The following SPAG16 variants were observed in gnomAD, a reference collection of about 807,000 sequenced individuals.
SPAG16 encodes the protein sperm-associated antigen 16 protein.
SPAG16 carries 86 observed loss-of-function variants against 80.4 expected under a neutral mutation model. The observed-to-expected ratio is 1.07, with a 90% CI of 0.90 to 1.28. SPAG16 has a LOEUF of 1.28. Ranked by LOEUF, SPAG16 falls within the 50% of genes most tolerant of loss-of-function variation. SPAG16 has a pLI of 0.00. For missense variants in SPAG16, 870 were observed against 765.3 expected, an observed-to-expected ratio of 1.14 and a Z score of -1.61; for synonymous variants, 294 against 265.9, an observed-to-expected ratio of 1.11 and a Z score of -1.03.
intron 15 of SPAG16, among the ~76,000 whole-genome samples, chr2:214,249,600 T>A (rs539457807): frequency 1.3e-5 from 2 of 152,138 alleles, no homozygotes; most frequent in Admixed American, 6.5e-5. Context: ...CGATTGACAA[T>A]AAGATGGAAA....
At chr2:214,406,705 A>G (rs1004172686) in intron 15 of SPAG16, among the ~76,000 whole-genome samples, 4 of 152,152 alleles carry the variant, frequency 2.6e-5, no homozygotes, top group Non-Finnish European at 5.9e-5. Context: ...TAGCAGAGCA[A>G]TACTTTGAGG....
At chr2:213,707,849 A>T (rs1347786669) in intron 10 of SPAG16, among the ~76,000 whole-genome samples, 2 of 152,122 alleles carry the variant, frequency 1.3e-5, no homozygotes, top group African/African-American at 2.4e-5. Flanking sequence ...TGATATACTG[A>T]TACTGGGGTT....
At chr2:213,696,022 G>A (rs1299502398) in intron 10 of SPAG16, among the ~76,000 whole-genome samples, 1 of 152,144 alleles carries the variant, frequency 6.6e-6, no homozygotes, top group Non-Finnish European at 1.5e-5. Context: ...GATAATGGTG[G>A]CTTGATTTTA....
At chr2:214,212,017 G>A (rs1291286201) in intron 15 of SPAG16, among the ~76,000 whole-genome samples, 1 of 152,082 alleles carries the variant, frequency 6.6e-6, no homozygotes, top group Non-Finnish European at 1.5e-5. Flanking sequence ...TCTTGCTAAA[G>A]CCGTTGTCCA....
intron 10 of SPAG16, among the ~76,000 whole-genome samples, chr2:213,770,013 G>A (rs115021060): frequency 7.0e-4 from 107 of 152,210 alleles, no homozygotes; most frequent in African/African-American, 2.4e-3. Context: ...GTACTGTTTT[G>A]TCCCTGGCTT....
intron 14 of SPAG16, among the ~76,000 whole-genome samples, chr2:214,127,833 CTT>C (rs2054571141): frequency 1.3e-5 from 2 of 151,878 alleles, no homozygotes; most frequent in Non-Finnish European, 2.9e-5. Flanking sequence ...TTTCAAAACT[CTT>C]TATAAAAGAA....
chr2:214,034,498 C>A (rs1392193058), intron 13 of SPAG16, among the ~76,000 whole-genome samples: 1 of 152,206 alleles, frequency 6.6e-6, no homozygotes, highest in Non-Finnish European at 1.5e-5. Flanking sequence ...TTAGCTCACA[C>A]CTCTGGCCTG....
At chr2:213,993,565 G>T (rs1026457231) in intron 12 of SPAG16, among the ~76,000 whole-genome samples, 1 of 152,082 alleles carries the variant, frequency 6.6e-6, no homozygotes, top group African/African-American at 2.4e-5. Flanking sequence ...AAAAACAAGG[G>T]ATATGCAACT....
chr2:214,005,101 A>C (rs900965102), intron 12 of SPAG16, among the ~76,000 whole-genome samples: 1 of 152,042 alleles, frequency 6.6e-6, no homozygotes, highest in Non-Finnish European at 1.5e-5. Flanking sequence ...TCAGGTTGCT[A>C]TTTTAATATT....
chr2:214,190,625 T>A (rs548684186), intron 15 of SPAG16, among the ~76,000 whole-genome samples: 5 of 152,126 alleles, frequency 3.3e-5, no homozygotes, highest in African/African-American at 7.2e-5. Flanking sequence ...TATGTTGATG[T>A]CCTACCCCCA....
At chr2:214,227,147 T>C (rs2058715279) in intron 15 of SPAG16, among the ~76,000 whole-genome samples, 1 of 152,060 alleles carries the variant, frequency 6.6e-6, no homozygotes, top group African/African-American at 2.4e-5. Flanking sequence ...GCCTAGAATC[T>C]GTTAAACTCA....
At chr2:213,325,270 C>T (rs1439999440) in intron 5 of SPAG16, among the ~76,000 whole-genome samples, 1 of 146,480 alleles carries the variant, frequency 6.8e-6, no homozygotes, top group Non-Finnish European at 1.5e-5. Context: ...TTTATTTTGA[C>T]ATTTTGTTGA....
chr2:213,827,797 A>AT (rs923560547), intron 10 of SPAG16, among the ~76,000 whole-genome samples: 7 of 144,594 alleles, frequency 4.8e-5, no homozygotes, highest in African/African-American at 8.3e-5. Context: ...ATTCTAGGAT[A>AT]TTTTTTTTTT....
In SPAG16 at chr2:213,970,349, C is replaced by G. The variant is rs185642052; in HGVS notation, c.1400+40204C>G. Among the ~76,000 whole-genome samples, 284 of 151,888 alleles carry G rather than the reference C, an allele frequency of 1.9e-3. 2 individuals are homozygous for G. The highest frequency in any genetic ancestry group is 0.014 in the Middle Eastern group (4 of 292). ...ATAGATAGCATCTTATTGTGTTACC[C>G]AGGCTGGAGTGCAATGGCACAATCT... On this transcript the variant is annotated intron_variant, in intron 12 of 15. Transcript: ENST00000331683.
chr2:214,389,232 A>T (rs1401757212), intron 15 of SPAG16, among the ~76,000 whole-genome samples: 1 of 152,240 alleles, frequency 6.6e-6, no homozygotes, highest in African/African-American at 2.4e-5. Context: ...TATGTATTTC[A>T]AAACAACTTA....
chr2:213,785,172 C>A (rs2070259360), intron 10 of SPAG16, among the ~76,000 whole-genome samples: 1 of 152,130 alleles, frequency 6.6e-6, no homozygotes, highest in Admixed American at 6.6e-5. Flanking sequence ...CATTTTGATT[C>A]AGAACTACTT....
intron 10 of SPAG16, among the ~76,000 whole-genome samples, chr2:213,543,409 T>C (rs1298436215): frequency 6.6e-6 from 1 of 151,998 alleles, no homozygotes; most frequent in Admixed American, 6.6e-5. Context: ...TGTCCTTTAT[T>C]GAATGGAAAT....
chr2:213,907,012 G>A (rs2077460203), intron 11 of SPAG16, among the ~76,000 whole-genome samples: 1 of 152,108 alleles, frequency 6.6e-6, no homozygotes, highest in Admixed American at 6.6e-5. Flanking sequence ...AGACAGATGG[G>A]TCTATATCAA....
chr2:214,257,995 C>G (rs960411085), intron 15 of SPAG16, among the ~76,000 whole-genome samples: 3 of 152,006 alleles, frequency 2.0e-5, no homozygotes, highest in Non-Finnish European at 4.4e-5. Flanking sequence ...TGTAGAGCTA[C>G]TCAGATTTTA....
Sources: gnomAD v4.1 joint callset for allele counts (sites outside exome capture counted in the v4.1 genomes callset) on GRCh38, gnomAD v4.1.1 for gene constraint, MANE v1.5 for transcripts, NCBI Gene and HGNC (gene_info 2026-07-23, HGNC 2026-07-21) for gene names.